Variants in ATXN2L observed in about 807,000 individuals in gnomAD.
The protein encoded by ATXN2L is ataxin 2 like.
ATXN2L carries 24 observed loss-of-function variants against 120.7 expected under a neutral mutation model. The observed-to-expected ratio is 0.20, with a 90% confidence interval of 0.14 to 0.28. ATXN2L has a LOEUF of 0.28. ATXN2L is among the 10% of genes least tolerant of loss of function. The probability of loss-of-function intolerance (pLI) is 1.00; values close to 1 mark genes in which losing one functional copy is unlikely to be tolerated. For synonymous variants in ATXN2L, 653 were observed against 568.1 expected (o/e 1.15, Z -2.13); for missense variants, 1,312 against 1,432.3 (o/e 0.92, Z 1.36).
chr16:28,828,718 G>A (rs1291435237), intron 6 of ATXN2L, among the ~76,000 whole-genome samples: 3 of 151,918 alleles, frequency 2.0e-5, no homozygotes, highest in Admixed American at 6.6e-5. Context: ...TCTGTTGCCC[G>A]GGTTTTTGTT....
rs927372464 is a variant in ATXN2L at position 28,824,570 on chromosome 16, G to A, written c.300-796G>A. The A allele has an allele frequency of 5.3e-5, 68 of 1,281,686 alleles. No individual in the cohort carries two copies. In the African/African-American group the frequency reaches 9.4e-4, roughly 18 times the overall value. The allele number at this position is 1,281,686 out of a possible 1,614,324, so 79.4% of individuals were successfully genotyped here. Reference sequence around the variant, plus strand: ...GGGTAACGGGCTGAATGAGTCATGAGGTCGAGGGGATGGGGTGTGGAGGGG... The same window carrying A: ...GGGTAACGGGCTGAATGAGTCATGAAGTCGAGGGGATGGGGTGTGGAGGGG... On this transcript the variant is annotated intron_variant, in intron 1 of 21. Transcript: ENST00000336783.
chr16:28,826,588 T>C (rs2052103752), intron 5 of ATXN2L, 198 bp downstream of exon 5: 2 of 616,264 alleles, frequency 3.2e-6, no homozygotes, highest in African/African-American at 1.8e-5. Flanking sequence ...GTCTAATATA[T>C]AATGCGATGA....
At chr16:28,833,864 G>T in intron 15 of ATXN2L, 2 of 713,516 alleles carry the variant, frequency 2.8e-6, no homozygotes, top group Non-Finnish European at 4.6e-6. Context: ...TTGTGATCTT[G>T]GACGTCACTT....
Position 28,834,224 on chromosome 16 carries a change from A to ACTGGC in ATXN2L, c.2172+15_2172+19dup. 1 of 1,612,116 alleles carries ACTGGC rather than the reference A, an allele frequency of 6.2e-7. No individual in the cohort carries two copies. Among genetic ancestry groups the ACTGGC allele is most frequent in the Non-Finnish European group, 8.5e-7 (1 of 1,178,548 alleles). On this transcript the variant is annotated intron_variant, in intron 16 of 21. Coordinates refer to ENST00000336783, the MANE Select transcript of ATXN2L (RefSeq NM_007245.4). Reference sequence around the variant, plus strand: ...ACCAGCTGTGCAGGTATGCAGAGAGACTGGCCGGGCCCAGGGTTAGCGGGG... The same window carrying ACTGGC: ...ACCAGCTGTGCAGGTATGCAGAGAGACTGGCCTGGCCGGGCCCAGGGTTAGCGGGG...
intron 4 of ATXN2L, 86 bp from the exon 5 acceptor site, chr16:28,826,154 G>C: frequency 6.6e-7 from 1 of 1,525,212 alleles, no homozygotes; most frequent in South Asian, 1.2e-5. Context: ...GAGAAATCCA[G>C]TTCTATTTAA....
chr16:28,826,790 G>A (rs2052249116), intron 5 of ATXN2L, 72 bp from the exon 6 acceptor site: 4 of 1,459,166 alleles, frequency 2.7e-6, no homozygotes, highest in Middle Eastern at 1.9e-4. Context: ...TACGGAGAGT[G>A]GGGTTGGGGG....
At chr16:28,827,162 A>G (rs749141821) in intron 6 of ATXN2L, among the ~76,000 whole-genome samples, 176 bp downstream of exon 6, 1 of 152,236 alleles carries the variant, frequency 6.6e-6, no homozygotes, top group Non-Finnish European at 1.5e-5. Flanking sequence ...AGCTGGGTGC[A>G]GTGGCTCATG....
chr16:28,830,318 C>T (rs995595513), intron 8 of ATXN2L, among the ~76,000 whole-genome samples: 2 of 151,940 alleles, frequency 1.3e-5, no homozygotes, highest in Non-Finnish European at 1.5e-5. Context: ...TTATTTGTGT[C>T]TTTTAAAAAC....
chr16:28,827,367 C>T (rs1004942525), intron 6 of ATXN2L, among the ~76,000 whole-genome samples: 1 of 150,492 alleles, frequency 6.6e-6, no homozygotes, highest in Non-Finnish European at 1.5e-5. Context: ...CCAGGGAGGT[C>T]GAGGCTACAG....
rs943640969 is a variant in ATXN2L, at chr16:28,834,168, A to T, written c.2129A>T (p.Tyr710Phe). The part of the protein sequence containing the change: ...AGQSGLYSPQ[Y>F]ISYIPQIHMG... ...CAGAGTGGGCTATACAGCCCCCAGT[A>T]CATCTCCTACATACCTCAGATCCAC... Residue 710 changes from tyrosine to phenylalanine, a missense_variant, in exon 16 of 22, where the codon TAC becomes TTC. Physicochemically the swap from Tyr to Phe is conservative, Grantham distance 22. Transcript: ENST00000336783. 2.5e-6 allele frequency: 4 copies of T among 1,613,972 alleles called. No homozygotes were observed. The highest frequency in any genetic ancestry group is 3.4e-6 in the Non-Finnish European group (4 of 1,179,996).
chr16:28,828,847 C>T (rs1012101540), intron 6 of ATXN2L, among the ~76,000 whole-genome samples: 2 of 152,056 alleles, frequency 1.3e-5, no homozygotes, highest in African/African-American at 4.8e-5. Flanking sequence ...CCTCTGCCTC[C>T]CAGGTTCAAG....
At position 28,829,879 on chromosome 16, in the gene ATXN2L, C is replaced by T. The variant is rs751464446; in HGVS notation, c.855C>T (p.Asn285=). The T allele has an allele frequency of 6.8e-6, 11 of 1,614,246 alleles. No homozygotes were observed. The Middle Eastern group carries it at 4.9e-4, about 73-fold the overall frequency. Residue 285 remains asparagine (N), a synonymous_variant, in exon 8 of 22, where the codon AAC becomes AAT. Transcript: ENST00000336783. The stretch of plus-strand genomic sequence containing the variant: ...TCAGGGTGCCCTTAGAAAAGGACAA[C>T]TCAGAAGAGTTTCGTCAGCGAGAGC... The part of the protein sequence containing the change: ...SSYTVPLEKD[N]SEEFRQRELR...
At chr16:28,824,225 C>T (rs578182298) in intron 1 of ATXN2L, 4 of 1,095,904 alleles carry the variant, frequency 3.6e-6, no homozygotes, top group African/African-American at 3.4e-5. Flanking sequence ...GGGACTAGTT[C>T]GTGGAGGGGC....
Position 28,823,075 on chromosome 16 carries a change from T to G in ATXN2L, c.-185T>G, listed in dbSNP as rs1358531034. On this transcript the variant is annotated 5_prime_UTR_variant, in exon 1 of 22. Coordinates refer to ENST00000336783, the MANE Select transcript of ATXN2L (RefSeq NM_007245.4). ...CCGCGAGACCCCCTCCCCTTCCGCC[T>G]CGCGGCGCTTCCTCGCGCCGCGGTC... 6.0e-6 allele frequency: 2 copies of G among 331,982 alleles called. No homozygotes were observed. Among genetic ancestry groups the G allele is most frequent in the South Asian group, 1.7e-4 (1 of 6,030 alleles). 20.6% of individuals were successfully genotyped at this position (331,982 alleles called of 1,614,324 possible). A position where few individuals can be genotyped will look rare whatever the true frequency, so the allele number is the denominator to read the frequency against.
chr16:28,832,417 G>C lies in ATXN2L; in HGVS notation c.1516+18G>C. The C allele has an allele frequency of 6.2e-7, 1 of 1,613,282 alleles. No homozygotes were observed. Among genetic ancestry groups the C allele is most frequent in the Non-Finnish European group, 8.5e-7 (1 of 1,179,234 alleles). ...CACAGATGGTAAGAGCTAGGTGTTT[G>C]AGTGCTGTGAATGCATATTTAGTGT... On this transcript the variant is annotated intron_variant, in intron 11 of 21. Coordinates refer to ENST00000336783, the MANE Select transcript of ATXN2L (RefSeq NM_007245.4).
intron 12 of ATXN2L, 60 bp downstream of exon 12, chr16:28,832,627 C>T (rs1344903605): frequency 1.3e-6 from 2 of 1,562,592 alleles, no homozygotes; most frequent in Non-Finnish European, 1.8e-6. Context: ...GAGAGTATTT[C>T]AGTTAGGAAG....
chr16:28,836,782 T>C lies in ATXN2L; in HGVS notation c.*517T>C. The C allele has an allele frequency of 1.2e-6, 2 of 1,613,814 alleles. No homozygotes were observed. Among genetic ancestry groups the C allele is most frequent in the Non-Finnish European group, 1.7e-6 (2 of 1,179,898 alleles). The stretch of plus-strand genomic sequence containing the variant: ...TTCCACCCCCCGGGGAACTGAAGAT[T>C]GTCCTGGCCGCGACCTGAGACCTCC... On this transcript the variant is annotated 3_prime_UTR_variant, in exon 22 of 22. Coordinates refer to ENST00000336783, the MANE Select transcript of ATXN2L (RefSeq NM_007245.4).
intron 18 of ATXN2L, 152 bp from the exon 19 acceptor site, chr16:28,834,906 A>T: frequency 8.2e-7 from 1 of 1,213,244 alleles, no homozygotes. Flanking sequence ...AAGTGTAGAG[A>T]AAATAGTGTC....
rs924886052 is a variant in ATXN2L at position 28,823,571 on chromosome 16, G to A, written c.299+13G>A. On this transcript the variant is annotated intron_variant, in intron 1 of 21. Coordinates refer to ENST00000336783, the MANE Select transcript of ATXN2L (RefSeq NM_007245.4). ...TCGGCAGCGCCAGGTGAGAAGGGTG[G>A]GCTCCGGGCGAGGGAGCCGCGGCCA... 3.8e-6 allele frequency: 5 copies of A among 1,322,094 alleles called. No individual in the cohort carries two copies. Among genetic ancestry groups the A allele is most frequent in the East Asian group, 3.1e-5 (1 of 32,124 alleles). 81.9% of individuals were successfully genotyped at this position (1,322,094 alleles called of 1,614,324 possible).
Sources: gnomAD v4.1 joint callset for allele counts (sites outside exome capture counted in the v4.1 genomes callset) on GRCh38, gnomAD v4.1.1 for gene constraint, MANE v1.5 for transcripts, NCBI Gene and HGNC (gene_info 2026-07-23, HGNC 2026-07-21) for gene names.